NRG1: variants seen among roughly 807,000 people sequenced by gnomAD.
The protein encoded by NRG1 is pro-neuregulin-1, membrane-bound isoform.
In NRG1, 18 loss-of-function variants were observed where a neutral mutation model predicts 63.8. The observed-to-expected ratio is 0.28, with a 90% CI of 0.19 to 0.42. The LOEUF is 0.42. Among genes scored for constraint, NRG1 ranks in the 10% least tolerant of loss-of-function variants. The probability of loss-of-function intolerance (pLI) is 1.00; values close to 1 mark genes in which losing one functional copy is unlikely to be tolerated. For missense variants in NRG1, 762 were observed against 814.7 expected, an observed-to-expected ratio of 0.94 and a Z score of 0.79; for synonymous variants, 302 against 301.3, an observed-to-expected ratio of 1.00 and a Z score of -0.02.
At chr8:32,062,528 G>A (rs2130923233) in intron 1 of NRG1, among the ~76,000 whole-genome samples, 1 of 152,194 alleles carries the variant, frequency 6.6e-6, no homozygotes, top group East Asian at 1.9e-4. Context: ...GCCTGGGTAA[G>A]TGAGGGCTCT....
At chr8:32,521,949 T>G (rs2129506028) in intron 1 of NRG1, among the ~76,000 whole-genome samples, 1 of 152,330 alleles carries the variant, frequency 6.6e-6, no homozygotes, top group Non-Finnish European at 1.5e-5. Context: ...GACAGAAAGT[T>G]GGAAAGAGTT....
At chr8:31,714,333 T>A (rs1812135999) in intron 1 of NRG1, among the ~76,000 whole-genome samples, 1 of 152,180 alleles carries the variant, frequency 6.6e-6, no homozygotes, top group Non-Finnish European at 1.5e-5. Context: ...TTATTAAGAT[T>A]TTTTTTGTAT....
intron 1 of NRG1, among the ~76,000 whole-genome samples, chr8:31,843,111 C>T (rs537118520): frequency 3.3e-4 from 49 of 149,062 alleles, no homozygotes; most frequent in African/African-American, 9.7e-4. Context: ...GTTCTCATTG[C>T]CATAAAGAAA....
chr8:32,704,349 A>T (rs572223780), intron 5 of NRG1, among the ~76,000 whole-genome samples: 47 of 152,212 alleles, frequency 3.1e-4, no homozygotes, highest in Non-Finnish European at 6.3e-4. Context: ...TATATTCTGG[A>T]TATTTTCATT....
At chr8:31,825,115 G>T (rs1433920118) in intron 1 of NRG1, among the ~76,000 whole-genome samples, 1 of 152,152 alleles carries the variant, frequency 6.6e-6, no homozygotes, top group Non-Finnish European at 1.5e-5. Context: ...ATACTGGCTG[G>T]GCATGGTGGC....
At chr8:31,861,101 A>G (rs1030506144) in intron 1 of NRG1, among the ~76,000 whole-genome samples, 1 of 152,184 alleles carries the variant, frequency 6.6e-6, no homozygotes, top group Non-Finnish European at 1.5e-5. Flanking sequence ...GTTGGCAAAC[A>G]TATTGTATCT....
At chr8:32,228,114 T>G (rs906998271) in intron 1 of NRG1, among the ~76,000 whole-genome samples, 1 of 152,212 alleles carries the variant, frequency 6.6e-6, no homozygotes, top group African/African-American at 2.4e-5. Context: ...TATCCTTGGA[T>G]TTCTCCATTA....
intron 1 of NRG1, among the ~76,000 whole-genome samples, chr8:31,952,773 A>G (rs945843327): frequency 3.3e-5 from 5 of 152,208 alleles, no homozygotes; most frequent in Non-Finnish European, 7.3e-5. Context: ...GCAAAATGTC[A>G]TGGTAGCTTT....
chr8:31,972,497 C>T (rs1246928323), intron 1 of NRG1, among the ~76,000 whole-genome samples: 2 of 152,176 alleles, frequency 1.3e-5, no homozygotes. Context: ...CCTTCTAAGG[C>T]TCGCTTACTA....
chr8:31,640,043 C>G lies in NRG1; in HGVS notation c.37+612C>G. 8.7e-7 allele frequency: 1 copy of G among 1,142,924 alleles called. No homozygotes were observed. The highest frequency in any genetic ancestry group is 1.1e-6 in the Non-Finnish European group (1 of 932,824). 70.8% of individuals were successfully genotyped at this position (1,142,924 alleles called of 1,614,324 possible). A position where few individuals can be genotyped will look rare whatever the true frequency, so the allele number is the denominator to read the frequency against. ...CGTCCCGGCCCCCGGGCCCAGCGCCCCGGCTCCGCCGCCCGCTCGTCGCCG... is the reference window on the plus strand; with the variant it reads ...CGTCCCGGCCCCCGGGCCCAGCGCCGCGGCTCCGCCGCCCGCTCGTCGCCG... On this transcript the variant is annotated intron_variant, in intron 1 of 10. Coordinates refer to the NRG1 transcript ENST00000519301. This position sits in a 1 kb window ranked among gnomAD's most constrained non-coding sequence, Gnocchi z 6.3.
At chr8:32,398,282 A>T (rs13251374) in intron 1 of NRG1, among the ~76,000 whole-genome samples, 10,324 of 152,198 alleles carry the variant, frequency 0.068, 408 homozygotes, top group Middle Eastern at 0.092. Context: ...CTCATAGCTT[A>T]CAGCAGGTCT....
intron 1 of NRG1, among the ~76,000 whole-genome samples, chr8:32,103,568 T>A (rs1830851884): frequency 6.6e-6 from 1 of 152,206 alleles, no homozygotes; most frequent in Non-Finnish European, 1.5e-5. Flanking sequence ...GATTGCTGGA[T>A]CATATGGTAG....
intron 5 of NRG1, among the ~76,000 whole-genome samples, chr8:32,702,116 G>A (rs1815051879): frequency 6.6e-6 from 1 of 152,070 alleles, no homozygotes; most frequent in Non-Finnish European, 1.5e-5. Flanking sequence ...TTTTCCTGTT[G>A]TGGGAATACG....
intron 1 of NRG1, among the ~76,000 whole-genome samples, chr8:32,531,096 AGAAAGAAAGAAAG>A (rs149203800): frequency 0.054 from 8,276 of 152,050 alleles, 297 homozygotes; most frequent in Middle Eastern, 0.085. Context: ...AGACTCCATC[AGAAAGAAAGAAAG>A]GAAAGAAAGA....
chr8:32,575,251 T>G (rs1563683137), intron 1 of NRG1, among the ~76,000 whole-genome samples: 1 of 152,210 alleles, frequency 6.6e-6, no homozygotes, highest in Non-Finnish European at 1.5e-5. Flanking sequence ...CTTGGCTACT[T>G]CCTCTTTTTC....
intron 1 of NRG1, among the ~76,000 whole-genome samples, chr8:32,446,716 C>T (rs1390424542): frequency 6.6e-6 from 1 of 151,676 alleles, no homozygotes; most frequent in Non-Finnish European, 1.5e-5. Flanking sequence ...ATATTGGCAG[C>T]AGCAATGCAG....
chr8:32,330,051 A>T (rs1405342270), intron 1 of NRG1, among the ~76,000 whole-genome samples: 1,100 of 40,644 alleles, frequency 0.027, 24 homozygotes, highest in Middle Eastern at 0.064. Context: ...TAAAAAAAAA[A>T]AAAAAAAAAA....
At chr8:32,216,440 A>G (rs971920708) in intron 1 of NRG1, among the ~76,000 whole-genome samples, 2 of 148,640 alleles carry the variant, frequency 1.3e-5, no homozygotes, top group Admixed American at 1.4e-4. Flanking sequence ...ATTATTAGAT[A>G]TTAATATATT....
At chr8:32,062,816 C>G (rs1824106791) in intron 1 of NRG1, among the ~76,000 whole-genome samples, 1 of 151,876 alleles carries the variant, frequency 6.6e-6, no homozygotes, top group African/African-American at 2.4e-5. Flanking sequence ...ATTTGATAAC[C>G]TCTTCAATGA....
Sources: allele counts gnomAD v4.1 joint callset (sites outside exome capture counted in the v4.1 genomes callset), GRCh38; gene constraint gnomAD v4.1.1; non-coding constraint Gnocchi (gnomAD v3.1); transcripts MANE v1.5; gene names NCBI Gene and HGNC (gene_info 2026-07-23, HGNC 2026-07-21).